The following AMMECR1 variants were observed in gnomAD, a reference collection of about 807,000 sequenced individuals.
AMMECR1 encodes AMMECR nuclear protein 1, also known as nuclear protein AMMECR1.
In AMMECR1, 3 loss-of-function variants were observed where a neutral mutation model predicts 22.5. The ratio of observed to expected loss-of-function variants is 0.13; its 90% CI spans 0.06 to 0.35. The LOEUF (loss-of-function observed/expected upper bound fraction) is 0.35, where lower values mean the gene tolerates loss of function less well. Among genes scored for constraint, AMMECR1 ranks in the 10% least tolerant of loss-of-function variants. The probability of loss-of-function intolerance (pLI) is 1.00; values close to 1 mark genes in which losing one functional copy is unlikely to be tolerated. For missense variants in AMMECR1, 235 were observed against 278.7 expected (o/e 0.84, Z 1.12); for synonymous variants, 130 against 116.7 (o/e 1.11, Z -0.74).
intron 1 of AMMECR1, among the ~76,000 whole-genome samples, chrX:110,301,349 T>C (rs186764805): frequency 5.8e-4 from 65 of 112,799 alleles, no homozygotes; most frequent in African/African-American, 2.0e-3. Context: ...AATTCTGCCA[T>C]AGCCTTCACT....
intron 5 of AMMECR1, 148 bp from the exon 6 acceptor site, chrX:110,198,782 A>G (rs980162482): frequency 1.5e-4 from 67 of 440,854 alleles, no homozygotes; most frequent in Non-Finnish European, 1.8e-4. Context: ...TCACAGAGAT[A>G]GTAAGTAGCA....
intron 2 of AMMECR1, among the ~76,000 whole-genome samples, chrX:110,251,381 G>C (rs186566255): frequency 8.1e-4 from 91 of 111,780 alleles, no homozygotes; most frequent in South Asian, 2.3e-3. Context: ...GGTGGAAATG[G>C]GGAGAGGCAA....
At chrX:110,394,397 G>A (rs1277421438) in intron 2 of AMMECR1, among the ~76,000 whole-genome samples, 1 of 111,396 alleles carries the variant, frequency 9.0e-6, no homozygotes, top group Non-Finnish European at 1.9e-5. Context: ...GACTACAGAC[G>A]TGTGCCACCA....
intron 1 of AMMECR1, among the ~76,000 whole-genome samples, chrX:110,298,411 T>C (rs900997378): frequency 3.2e-4 from 36 of 111,374 alleles, no homozygotes; most frequent in African/African-American, 1.1e-3. Flanking sequence ...GATTAGGAGA[T>C]GTTAAACCTA....
At position 110,245,042 on chromosome X, in the gene AMMECR1, C is replaced by G. The variant is rs758189976; in HGVS notation, c.584+19447G>C. On this transcript the variant is annotated intron_variant, in intron 2 of 5. Transcript: ENST00000262844. ...CAAAGGCCATATTTTTTTAAAAAGC[C>G]AGAATATAAAGAGGGCAATAGTAAG... Among the ~76,000 whole-genome samples the G allele has an allele frequency of 1.8e-5, 2 of 111,648 alleles. 1 individual carries two copies. The highest frequency in any genetic ancestry group is 7.4e-4 in the South Asian group (2 of 2,700).
chrX:110,256,565 G>A (rs913903053), intron 2 of AMMECR1, among the ~76,000 whole-genome samples: 1 of 111,589 alleles, frequency 9.0e-6, no homozygotes, highest in African/African-American at 3.2e-5. Context: ...AAAATTGAGA[G>A]AGAATGTAAG....
Position 110,318,019 on chromosome X carries a change from G to C in AMMECR1, c.53C>G (p.Pro18Arg), listed in dbSNP as rs775481785. ...GCCACCACCGCCACCCGAGCCAGAG[G>C]GGGGCGAACTGGACAGTTTCTGCTT... ...VKKQKLSSSP[P>R]SGSGGGGGAS... Residue 18 changes from proline (P) to arginine (R), a missense_variant, in exon 1 of 6, where the codon CCC (proline) becomes CGC (arginine). Physicochemically the swap from Pro to Arg is moderately radical, Grantham distance 103. Around this residue, in one of 2 missense-constraint regions of AMMECR1, gnomAD observed 124 missense variants for 97.0 expected, o/e 1.28. Transcript: ENST00000262844. 471 of 1,204,681 alleles carry C rather than the reference G, an allele frequency of 3.9e-4. No individual in the cohort carries two copies. The highest frequency in any genetic ancestry group is 5.1e-4 in the Non-Finnish European group (456 of 893,291).
At chrX:110,283,043 T>C (rs1379480947) in intron 1 of AMMECR1, among the ~76,000 whole-genome samples, 1 of 111,035 alleles carries the variant, frequency 9.0e-6, no homozygotes, top group African/African-American at 3.3e-5. Flanking sequence ...ATTCTTATGG[T>C]TGATATATGG....
chrX:110,304,590 C>G (rs1204104005), intron 1 of AMMECR1, among the ~76,000 whole-genome samples: 2 of 112,042 alleles, frequency 1.8e-5, no homozygotes, highest in Non-Finnish European at 3.8e-5. Flanking sequence ...GTCTACAGAG[C>G]AGACTACTGC....
chrX:110,222,666 A>C (rs2067510162), intron 2 of AMMECR1, among the ~76,000 whole-genome samples: 1 of 109,834 alleles, frequency 9.1e-6, no homozygotes, highest in Non-Finnish European at 1.9e-5. Flanking sequence ...ATGTAAAAAG[A>C]GAAAGGAAGA....
chrX:110,227,004 C>T (rs1442686745), intron 2 of AMMECR1, among the ~76,000 whole-genome samples: 4 of 111,657 alleles, frequency 3.6e-5, no homozygotes, highest in African/African-American at 1.3e-4. Flanking sequence ...TTCCCTTATT[C>T]CGAAGCCCTT....
At chrX:110,327,378 A>G (rs1359965909) in intron 2 of AMMECR1, among the ~76,000 whole-genome samples, 3 of 112,465 alleles carry the variant, frequency 2.7e-5, no homozygotes, top group Non-Finnish European at 5.6e-5. Context: ...TTGTGTCACA[A>G]TATCCAAAGA....
intron 2 of AMMECR1, among the ~76,000 whole-genome samples, chrX:110,218,507 C>A (rs1356096239): frequency 9.1e-6 from 1 of 109,499 alleles, no homozygotes; most frequent in Non-Finnish European, 1.9e-5. Context: ...AACTGAAACT[C>A]TGCACCCATT....
At chrX:110,434,233 A>G (rs2068819462) in intron 1 of AMMECR1, among the ~76,000 whole-genome samples, 1 of 111,635 alleles carries the variant, frequency 9.0e-6, no homozygotes, top group Admixed American at 9.5e-5. Flanking sequence ...GTGGACGAGT[A>G]TTTGGGGTCA....
intron 2 of AMMECR1, among the ~76,000 whole-genome samples, chrX:110,365,253 G>C (rs1419654019): frequency 8.9e-6 from 1 of 111,773 alleles, no homozygotes. Flanking sequence ...TCTGAAGATA[G>C]GGTCAGGAGC....
chrX:110,409,783 C>T (rs770256486), intron 2 of AMMECR1, among the ~76,000 whole-genome samples: 2 of 111,470 alleles, frequency 1.8e-5, no homozygotes, highest in African/African-American at 6.5e-5. Context: ...AGAGAATGGG[C>T]TCCCACTTAG....
At chrX:110,432,251 T>G (rs1315829608) in intron 1 of AMMECR1, among the ~76,000 whole-genome samples, 1 of 112,236 alleles carries the variant, frequency 8.9e-6, no homozygotes, top group Admixed American at 9.4e-5. Flanking sequence ...TCTCTTCCAT[T>G]TCATCTCCTC....
intron 1 of AMMECR1, among the ~76,000 whole-genome samples, chrX:110,268,639 A>C (rs1183487220): frequency 8.9e-6 from 1 of 111,916 alleles, no homozygotes; most frequent in Non-Finnish European, 1.9e-5. Flanking sequence ...ATCTAAAAAT[A>C]GGAACAAATT....
intron 2 of AMMECR1, among the ~76,000 whole-genome samples, chrX:110,234,835 T>G (rs904419057): frequency 2.3e-4 from 26 of 111,775 alleles, no homozygotes; most frequent in African/African-American, 8.5e-4. Context: ...TAATTCAAGA[T>G]GGATTAAAGA....
Sources: allele counts gnomAD v4.1 joint callset (sites outside exome capture counted in the v4.1 genomes callset), GRCh38; gene constraint gnomAD v4.1.1; regional missense constraint gnomAD v4.1.1; transcripts MANE v1.5; gene names NCBI Gene and HGNC (gene_info 2026-07-23, HGNC 2026-07-21).